The following SLC14A2 variants were observed in gnomAD, a reference collection of about 807,000 sequenced individuals.
The protein encoded by SLC14A2 is urea transporter 2.
Under a neutral mutation model 104.6 loss-of-function variants are expected in SLC14A2, and 91 were observed. That is an observed-to-expected ratio of 0.87 (90% CI 0.73 to 1.04). The LOEUF is 1.04. SLC14A2 is among the 50% of genes least tolerant of loss of function. SLC14A2 has a pLI of 0.00. For missense variants in SLC14A2, 1,189 were observed against 1,156.0 expected, an observed-to-expected ratio of 1.03 and a Z score of -0.41; for synonymous variants, 476 against 466.4, an observed-to-expected ratio of 1.02 and a Z score of -0.27.
chr18:45,180,767 G>T, the SLC14A2 span, among the ~76,000 whole-genome samples: 1 of 152,036 alleles, frequency 6.6e-6, no homozygotes, highest in Non-Finnish European at 1.5e-5. Flanking sequence ...TGATATTTTT[G>T]AAAAACGGAA....
At chr18:45,200,053 T>C in the SLC14A2 span, among the ~76,000 whole-genome samples, 15 of 152,144 alleles carry the variant, frequency 9.9e-5, no homozygotes, top group Non-Finnish European at 1.6e-4. Flanking sequence ...TCTGCCTATA[T>C]CTATAGGTTT....
At chr18:45,356,443 A>G (rs1466849964) in intron 1 of SLC14A2, among the ~76,000 whole-genome samples, 1 of 152,246 alleles carries the variant, frequency 6.6e-6, no homozygotes. Flanking sequence ...ATTTCCCCAG[A>G]GTGTGACGGT....
At chr18:45,670,198 T>C (rs991720584) in intron 16 of SLC14A2, among the ~76,000 whole-genome samples, 3 of 152,168 alleles carry the variant, frequency 2.0e-5, no homozygotes, top group Non-Finnish European at 4.4e-5. Context: ...CTTTTTCTAC[T>C]ACACCATGCT....
chr18:45,270,753 G>A (rs1409231291), intron 1 of SLC14A2, among the ~76,000 whole-genome samples: 1 of 152,066 alleles, frequency 6.6e-6, no homozygotes, highest in Non-Finnish European at 1.5e-5. Flanking sequence ...AAGTATTCAA[G>A]TCCAGAGCCT....
At chr18:45,176,468 A>T in the SLC14A2 span, among the ~76,000 whole-genome samples, 26 of 152,220 alleles carry the variant, frequency 1.7e-4, no homozygotes, top group African/African-American at 6.3e-4. Context: ...ATTAGTAGTC[A>T]TTGTCCAGAC....
intron 1 of SLC14A2, among the ~76,000 whole-genome samples, chr18:45,381,116 G>A (rs1331038165): frequency 6.6e-6 from 1 of 152,178 alleles, no homozygotes; most frequent in Non-Finnish European, 1.5e-5. Flanking sequence ...AGCTGTTCTT[G>A]AACCTTTCTG....
chr18:45,677,048 T>C (rs2046239024), intron 18 of SLC14A2, among the ~76,000 whole-genome samples: 1 of 152,152 alleles, frequency 6.6e-6, no homozygotes, highest in Admixed American at 6.5e-5. Flanking sequence ...CACCACTGCC[T>C]GCTCGGCACA....
chr18:45,521,297 T>C (rs1189247389), intron 2 of SLC14A2, among the ~76,000 whole-genome samples: 2 of 152,202 alleles, frequency 1.3e-5, no homozygotes, highest in African/African-American at 4.8e-5. Context: ...CATTCCAAGC[T>C]TACAGCCAAA....
chr18:45,242,299 A>C (rs1161332083), intron 1 of SLC14A2, among the ~76,000 whole-genome samples: 1 of 152,140 alleles, frequency 6.6e-6, no homozygotes, highest in Admixed American at 6.5e-5. Flanking sequence ...CTACATTTTC[A>C]TGTAACTTAT....
intron 2 of SLC14A2, among the ~76,000 whole-genome samples, chr18:45,569,078 C>G (rs2044309070): frequency 1.3e-5 from 2 of 152,208 alleles, no homozygotes; most frequent in African/African-American, 4.8e-5. Context: ...GGTACCGATT[C>G]TAGCCTAAGT....
chr18:45,611,504 A>G (rs375483309), upstream of SLC14A2, among the ~76,000 whole-genome samples: 5 of 152,352 alleles, frequency 3.3e-5, no homozygotes, highest in East Asian at 9.6e-4. Flanking sequence ...CCCAGCTTGC[A>G]CAAAGGAAGA....
intron 2 of SLC14A2, among the ~76,000 whole-genome samples, chr18:45,510,992 C>T (rs1245779355): frequency 1.3e-5 from 2 of 152,228 alleles, no homozygotes; most frequent in Non-Finnish European, 2.9e-5. Flanking sequence ...CAAGAGAGTC[C>T]TCTGCAGGGC....
intron 1 of SLC14A2, among the ~76,000 whole-genome samples, chr18:45,259,611 GA>G (rs2084515148): frequency 6.6e-6 from 1 of 152,140 alleles, no homozygotes; most frequent in African/African-American, 2.4e-5. Flanking sequence ...ATTGAATGAA[GA>G]TTTTTTTTCC....
chr18:45,627,326 C>T (rs2045275786), intron 4 of SLC14A2, among the ~76,000 whole-genome samples, 179 bp downstream of exon 4: 1 of 152,194 alleles, frequency 6.6e-6, no homozygotes, highest in African/African-American at 2.4e-5. Flanking sequence ...CAGCATGTGA[C>T]AGTGTCAACA....
chr18:45,227,262 C>T (rs2084128697), intron 1 of SLC14A2, among the ~76,000 whole-genome samples: 1 of 152,130 alleles, frequency 6.6e-6, no homozygotes, highest in African/African-American at 2.4e-5. Context: ...GCAACTACTT[C>T]ACAGCAAAAA....
intron 1 of SLC14A2, among the ~76,000 whole-genome samples, chr18:45,375,627 T>C (rs1016612094): frequency 6.6e-6 from 1 of 152,202 alleles, no homozygotes. Context: ...TGAATTATTC[T>C]TTCTCTATTG....
intron 1 of SLC14A2, among the ~76,000 whole-genome samples, chr18:45,317,356 A>G (rs1238975025): frequency 2.0e-5 from 3 of 152,188 alleles, no homozygotes; most frequent in African/African-American, 7.2e-5. Context: ...GTTCTCAAAG[A>G]GCTTAAGGGA....
At chr18:45,424,797 C>A (rs565433569) in intron 1 of SLC14A2, among the ~76,000 whole-genome samples, 1 of 152,198 alleles carries the variant, frequency 6.6e-6, no homozygotes, top group Admixed American at 6.5e-5. Flanking sequence ...AGTCACAGGC[C>A]TTTTCCAACT....
At chr18:45,598,767 T>A (rs182540146) in intron 2 of SLC14A2, among the ~76,000 whole-genome samples, 27 of 152,320 alleles carry the variant, frequency 1.8e-4, no homozygotes, top group African/African-American at 6.5e-4. Context: ...CTCTGAGACC[T>A]CCAATCAGTC....
Sources: allele counts gnomAD v4.1 joint callset (sites outside exome capture counted in the v4.1 genomes callset), GRCh38; gene constraint gnomAD v4.1.1; transcripts MANE v1.5; gene names NCBI Gene and HGNC (gene_info 2026-07-23, HGNC 2026-07-21).